Variants in STK10 observed in about 807,000 individuals in gnomAD.
STK10 encodes the protein serine/threonine kinase 10.
A neutral mutation model predicts 113.8 loss-of-function variants in STK10; 78 were observed. The ratio of observed to expected loss-of-function variants is 0.69; its 90% confidence interval spans 0.57 to 0.83. The LOEUF (loss-of-function observed/expected upper bound fraction) is 0.83. STK10 is among the 40% of genes least tolerant of loss of function. The pLI is 0.00. For missense variants in STK10, 1,109 were observed against 1,280.1 expected (o/e 0.87, Z 2.04); for synonymous variants, 465 against 494.7 (o/e 0.94, Z 0.80).
chr5:172,125,138 G>A (rs2113785779), intron 3 of STK10, among the ~76,000 whole-genome samples: 2 of 152,262 alleles, frequency 1.3e-5, no homozygotes, highest in South Asian at 4.1e-4. Context: ...TGTCCTTTTG[G>A]TACATCCGCA....
chr5:172,062,810 A>C (rs534805335), intron 13 of STK10, among the ~76,000 whole-genome samples: 4 of 152,362 alleles, frequency 2.6e-5, no homozygotes, highest in African/African-American at 9.6e-5. Flanking sequence ...AGTTCTGGAG[A>C]TAGATGGCGG....
chr5:172,135,156 G>A (rs1769825683), intron 2 of STK10, among the ~76,000 whole-genome samples: 2 of 152,038 alleles, frequency 1.3e-5, no homozygotes, highest in South Asian at 4.1e-4. Context: ...TAGTCATTAG[G>A]GCAACACTAA....
intron 7 of STK10, among the ~76,000 whole-genome samples, chr5:172,103,530 C>T (rs1171339595): frequency 6.6e-6 from 1 of 152,108 alleles, no homozygotes; most frequent in Non-Finnish European, 1.5e-5. Context: ...GTGCCTCTTA[C>T]AGGAAACAAT....
chr5:172,130,026 T>C (rs562541906), intron 2 of STK10, among the ~76,000 whole-genome samples: 2 of 152,262 alleles, frequency 1.3e-5, no homozygotes, highest in East Asian at 3.9e-4. Context: ...TCCTCTCCCC[T>C]CTCACCCAGA....
rs1044016271 is a variant in STK10, at chr5:172,077,887, A to T, written c.1989+4439T>A. On this transcript the variant is annotated intron_variant, in intron 12 of 18. Transcript: ENST00000176763. ...CTGGTTAAAGGAAAGTGCCTGTTGC[A>T]TATGCGTATGGTCTCCCTCTCCAGC... 9.2e-5 allele frequency among the ~76,000 whole-genome samples: 14 copies of T among 152,258 alleles called. No homozygotes were observed. The South Asian group carries it at 1.2e-3, about 14-fold the overall frequency.
At chr5:172,045,890 G>A (rs568512022) in intron 18 of STK10, among the ~76,000 whole-genome samples, 43 of 151,580 alleles carry the variant, frequency 2.8e-4, no homozygotes, top group African/African-American at 8.7e-4. Context: ...GGGTTTCATC[G>A]TGTTGGCCAG....
chr5:172,054,912 G>A (rs1378819484), intron 16 of STK10, among the ~76,000 whole-genome samples: 3 of 152,220 alleles, frequency 2.0e-5, no homozygotes, highest in East Asian at 3.9e-4. Context: ...GTGGGGACAT[G>A]ACACTGCAAT....
chr5:172,184,945 G>A (rs896951376), intron 1 of STK10, among the ~76,000 whole-genome samples: 5 of 152,206 alleles, frequency 3.3e-5, no homozygotes, highest in Admixed American at 6.5e-5. Flanking sequence ...ACAGGCGTGA[G>A]CCACAGCACC....
chr5:172,153,727 G>A lies in STK10; in HGVS notation c.321+2897C>T, dbSNP rs116546595. On this transcript the variant is annotated intron_variant, in intron 2 of 18. Coordinates refer to ENST00000176763, the MANE Select transcript of STK10 (RefSeq NM_005990.4). ...GGGCCCAGGCCTGGTCACAAGATGCGCCTGAGAACCATCACACAGAAGGAA... is the reference window on the plus strand; with the variant it reads ...GGGCCCAGGCCTGGTCACAAGATGCACCTGAGAACCATCACACAGAAGGAA... Among the ~76,000 whole-genome samples, 1,414 of 152,344 alleles carry A rather than the reference G, an allele frequency of 9.3e-3. 24 individuals are homozygous for A. Among genetic ancestry groups the A allele is most frequent in the African/African-American group, 0.032 (1,350 of 41,578 alleles).
chr5:172,149,366 C>T (rs1770157084), intron 2 of STK10, among the ~76,000 whole-genome samples: 1 of 152,222 alleles, frequency 6.6e-6, no homozygotes. Flanking sequence ...AGCCTCCTCC[C>T]CCACTTTCCC....
rs1769494669 is a variant in STK10 at position 172,120,770 on chromosome 5, C to T, written c.371-3140G>A. On this transcript the variant is annotated intron_variant, in intron 3 of 18. Coordinates refer to ENST00000176763, the MANE Select transcript of STK10 (RefSeq NM_005990.4). This position sits in a 1 kb window ranked among gnomAD's most constrained non-coding sequence, Gnocchi z 4.0. Reference sequence around the variant, plus strand: ...GATGAGTCCAGGGCTGGAATATGTGCCGCAATCTTTTTAATGGCAAAAATG... The same window carrying T: ...GATGAGTCCAGGGCTGGAATATGTGTCGCAATCTTTTTAATGGCAAAAATG... Among the ~76,000 whole-genome samples the T allele has an allele frequency of 6.6e-6, 1 of 152,080 alleles. No homozygotes were observed. The highest frequency in any genetic ancestry group is 2.4e-5 in the African/African-American group (1 of 41,394).
chr5:172,175,787 C>G (rs1363731608), intron 1 of STK10, among the ~76,000 whole-genome samples: 1 of 152,192 alleles, frequency 6.6e-6, no homozygotes, highest in African/African-American at 2.4e-5. Flanking sequence ...AAGAGACACG[C>G]TCCTGGCCAG....
chr5:172,174,168 G>T (rs1320670704), intron 1 of STK10, among the ~76,000 whole-genome samples: 1 of 152,022 alleles, frequency 6.6e-6, no homozygotes, highest in African/African-American at 2.4e-5. Flanking sequence ...TTTTGTTGTT[G>T]TTGTTGTTTA....
At chr5:172,164,765 C>A (rs918731633) in intron 1 of STK10, among the ~76,000 whole-genome samples, 1 of 152,166 alleles carries the variant, frequency 6.6e-6, no homozygotes, top group Non-Finnish European at 1.5e-5. Flanking sequence ...ATGAGGCCCA[C>A]GTGGGAGTTG....
intron 7 of STK10, among the ~76,000 whole-genome samples, chr5:172,102,049 G>C (rs546729365): frequency 1.3e-5 from 2 of 152,248 alleles, no homozygotes; most frequent in East Asian, 3.9e-4. Flanking sequence ...CCACTGGGGA[G>C]CTTTGGCCCG....
chr5:172,107,634 C>G, intron 5 of STK10, 146 bp downstream of exon 5: 1 of 627,630 alleles, frequency 1.6e-6, no homozygotes, highest in East Asian at 2.9e-5. Flanking sequence ...AGCTAAACAG[C>G]TTGTCCAAGG....
At chr5:172,119,830 C>G (rs1769469522) in intron 3 of STK10, among the ~76,000 whole-genome samples, 2 of 150,318 alleles carry the variant, frequency 1.3e-5, no homozygotes, top group African/African-American at 4.9e-5. Context: ...CGCCACTGCA[C>G]TCCAGCCTGG....
At chr5:172,108,878 G>A (rs192003935) in intron 4 of STK10, among the ~76,000 whole-genome samples, 5 of 151,680 alleles carry the variant, frequency 3.3e-5, no homozygotes, top group East Asian at 2.0e-4. Flanking sequence ...TCCACCTCCC[G>A]GGTTCCAGCG....
At chr5:172,111,200 C>T (rs936981173) in intron 4 of STK10, among the ~76,000 whole-genome samples, 1 of 152,000 alleles carries the variant, frequency 6.6e-6, no homozygotes. Context: ...GTCAGCCAGG[C>T]CCCCCTGTGG....
Sources: gnomAD v4.1 joint callset for allele counts (sites outside exome capture counted in the v4.1 genomes callset) on GRCh38, gnomAD v4.1.1 for gene constraint, Gnocchi (gnomAD v3.1) non-coding constraint, MANE v1.5 for transcripts, NCBI Gene and HGNC (gene_info 2026-07-23, HGNC 2026-07-21) for gene names.